TBC1D2B: variants seen among roughly 807,000 people sequenced by gnomAD.
The protein encoded by TBC1D2B is TBC1 domain family member 2B, also known as TBC1 domain family, member 2B.
In TBC1D2B, 64 loss-of-function variants were observed where a neutral mutation model predicts 100.8. The ratio of observed to expected loss-of-function variants is 0.64; its 90% CI spans 0.52 to 0.78. TBC1D2B has a LOEUF of 0.78. Ranked by LOEUF, TBC1D2B falls within the 30% of genes least tolerant of loss-of-function variation. TBC1D2B has a pLI of 0.00. For missense variants in TBC1D2B, 1,052 were observed against 1,218.4 expected (o/e 0.86, Z 2.03); for synonymous variants, 480 against 479.7 (o/e 1.00, Z -0.01).
intron 1 of TBC1D2B, among the ~76,000 whole-genome samples, chr15:78,070,777 C>G (rs2073731128): frequency 6.6e-6 from 1 of 152,226 alleles, no homozygotes; most frequent in Non-Finnish European, 1.5e-5. Flanking sequence ...CCTGCCTCAG[C>G]CTCCCAAGTA....
intron 3 of TBC1D2B, among the ~76,000 whole-genome samples, chr15:78,042,409 C>T (rs899047635): frequency 1.3e-5 from 2 of 152,090 alleles, no homozygotes; most frequent in Non-Finnish European, 2.9e-5. Flanking sequence ...CGGCCACACA[C>T]TTGCTATGTG....
chr15:78,041,657 T>C (rs928865939), intron 3 of TBC1D2B, among the ~76,000 whole-genome samples: 1 of 152,210 alleles, frequency 6.6e-6, no homozygotes, highest in Non-Finnish European at 1.5e-5. Context: ...ACCTAAGGCA[T>C]TTTATTTAAA....
In TBC1D2B at chr15:78,060,908, ACT is replaced by A. The variant is rs2073530086; in HGVS notation, c.361-6723_361-6722del. Among the ~76,000 whole-genome samples, 9 of 151,850 alleles carry A rather than the reference ACT, an allele frequency of 5.9e-5. No individual in the cohort carries two copies. The South Asian group carries it at 1.9e-3, about 32-fold the overall frequency. On this transcript the variant is annotated intron_variant, in intron 1 of 12. Transcript: ENST00000300584. Reference sequence around the variant, plus strand: ...CTCCAGCCTGGGCAACAACAGTGAAACTCTGTCTCAAAATGAAATCAGAAGAC... The same window carrying A: ...CTCCAGCCTGGGCAACAACAGTGAAACTGTCTCAAAATGAAATCAGAAGAC...
chr15:78,034,790 T>A (rs907469204), intron 3 of TBC1D2B: 2 of 963,312 alleles, frequency 2.1e-6, no homozygotes, highest in African/African-American at 3.5e-5. Flanking sequence ...CTCTTGAAGC[T>A]GAAACAGTAT....
intron 6 of TBC1D2B, among the ~76,000 whole-genome samples, chr15:78,022,180 G>A (rs925095783): frequency 6.6e-5 from 10 of 152,126 alleles, no homozygotes; most frequent in African/African-American, 1.4e-4. Context: ...GCAACACGGC[G>A]AAACTCTGTC....
intron 3 of TBC1D2B, among the ~76,000 whole-genome samples, chr15:78,032,894 G>A (rs2072852558): frequency 6.6e-6 from 1 of 152,128 alleles, no homozygotes; most frequent in Admixed American, 6.5e-5. Flanking sequence ...CAATGAGTCG[G>A]TCACTGAAGG....
chr15:78,027,005 G>T (rs1196038394), intron 4 of TBC1D2B, among the ~76,000 whole-genome samples: 1 of 151,684 alleles, frequency 6.6e-6, no homozygotes, highest in Non-Finnish European at 1.5e-5. Flanking sequence ...GATAGCTTAG[G>T]CCTAGAAGTT....
intron 1 of TBC1D2B, 87 bp from the exon 2 acceptor site, chr15:78,054,274 A>G: frequency 7.5e-7 from 1 of 1,329,592 alleles, no homozygotes; most frequent in Non-Finnish European, 9.9e-7. Context: ...TAGACTGTTC[A>G]GCTTGCCATG....
chr15:78,063,696 G>A (rs1228459281), intron 1 of TBC1D2B, among the ~76,000 whole-genome samples: 7 of 152,136 alleles, frequency 4.6e-5, no homozygotes, highest in Admixed American at 4.6e-4. Context: ...AAAATAGACT[G>A]CTGTGAGCAA....
chr15:77,999,168 A>G (rs1296882937), intron 12 of TBC1D2B: 1 of 408,712 alleles, frequency 2.4e-6, no homozygotes, highest in African/African-American at 2.1e-5. Flanking sequence ...AATGCTTTGT[A>G]TCCACCAACA....
intron 1 of TBC1D2B, among the ~76,000 whole-genome samples, chr15:78,073,742 C>T (rs1596333586): frequency 6.6e-6 from 1 of 152,104 alleles, no homozygotes; most frequent in Admixed American, 6.5e-5. Flanking sequence ...GAGGCAGAGG[C>T]AGGTGGATCA....
At chr15:78,025,572 G>T in intron 4 of TBC1D2B, 75 bp from the exon 5 acceptor site, 1 of 1,178,442 alleles carries the variant, frequency 8.5e-7, no homozygotes. Flanking sequence ...TGTCGCCCAG[G>T]CTGGAGTGCA....
chr15:78,025,421 A>G lies in TBC1D2B; in HGVS notation c.924T>C (p.Ile308=). The change falls in exon 5 of 13, where the codon ATT becomes ATC. Residue 308 remains isoleucine, a synonymous_variant. Coordinates refer to ENST00000300584, the MANE Select transcript of TBC1D2B (RefSeq NM_144572.2). ...YKGKRPLKDI[I]GSYKNRHSSG... Reference sequence around the variant, plus strand: ...TGCTGTGACGATTTTTGTACGACCCAATTATGTCTTTCAAAGGGCGCTTTC... The same window carrying G: ...TGCTGTGACGATTTTTGTACGACCCGATTATGTCTTTCAAAGGGCGCTTTC... The G allele has an allele frequency of 6.2e-7, 1 of 1,613,902 alleles. No homozygotes were observed. The highest frequency in any genetic ancestry group is 2.2e-5 in the East Asian group (1 of 44,886).
At chr15:78,055,843 A>T (rs987309210) in intron 1 of TBC1D2B, among the ~76,000 whole-genome samples, 1 of 152,220 alleles carries the variant, frequency 6.6e-6, no homozygotes, top group African/African-American at 2.4e-5. Context: ...GAAAGACAGG[A>T]AAAAACAACC....
intron 12 of TBC1D2B, among the ~76,000 whole-genome samples, chr15:78,000,548 C>A (rs1328450453): frequency 6.6e-6 from 1 of 152,260 alleles, no homozygotes. Flanking sequence ...TGGCAGAAAT[C>A]AGGGCACTGT....
intron 9 of TBC1D2B, among the ~76,000 whole-genome samples, chr15:78,012,333 G>A (rs1267426867): frequency 2.6e-5 from 4 of 152,196 alleles, no homozygotes; most frequent in Admixed American, 6.5e-5. Flanking sequence ...TCTGCCTATG[G>A]AAGTAGGGAA....
At chr15:78,044,815 T>C in intron 3 of TBC1D2B, 85 bp downstream of exon 3, 2 of 1,282,472 alleles carry the variant, frequency 1.6e-6, no homozygotes, top group Non-Finnish European at 2.1e-6. Flanking sequence ...GTAAGATAGT[T>C]TTATAACTTC....
rs577878786 is a variant in TBC1D2B, at chr15:78,017,830, C to T, written c.1581+17G>A. The T allele has an allele frequency of 2.6e-6, 4 of 1,543,498 alleles. No homozygotes were observed. The South Asian group carries it at 4.6e-5, about 18-fold the overall frequency. ...TTACCTCCCACCAGGTAATAGAATCCACCTATCCTGACCCACCTTTGCCAT... is the reference window on the plus strand; with the variant it reads ...TTACCTCCCACCAGGTAATAGAATCTACCTATCCTGACCCACCTTTGCCAT... On this transcript the variant is annotated intron_variant, in intron 7 of 12. Coordinates refer to ENST00000300584, the MANE Select transcript of TBC1D2B (RefSeq NM_144572.2).
chr15:78,016,754 G>A lies in TBC1D2B; in HGVS notation c.1582-15C>T, dbSNP rs890418240. The A allele has an allele frequency of 6.0e-6, 9 of 1,509,912 alleles. No homozygotes were observed. In the Admixed American group the frequency reaches 6.9e-5, roughly 12 times the overall value. 93.5% of individuals were successfully genotyped at this position (1,509,912 alleles called of 1,614,324 possible). On this transcript the variant is annotated splice_polypyrimidine_tract_variant and intron_variant, in intron 7 of 12. Transcript: ENST00000300584. ...AGGCTAGAATACTGCAGAGAATGTG[G>A]TGGTTACCTCCATTCAGACAGAGAC... is the stretch of plus-strand genomic sequence containing the variant.
Sources: allele counts gnomAD v4.1 joint callset (sites outside exome capture counted in the v4.1 genomes callset), GRCh38; gene constraint gnomAD v4.1.1; transcripts MANE v1.5; gene names NCBI Gene and HGNC (gene_info 2026-07-23, HGNC 2026-07-21).